MCF2L2: variants seen among roughly 807,000 people sequenced by gnomAD.
MCF2L2 encodes the protein probable guanine nucleotide exchange factor MCF2L2.
In MCF2L2, 102 loss-of-function variants were observed where a neutral mutation model predicts 150.2. The observed-to-expected ratio is 0.68, with a 90% CI of 0.58 to 0.80. The LOEUF is 0.80. MCF2L2 is among the 30% of genes least tolerant of loss of function. MCF2L2 has a pLI of 0.00. For synonymous variants in MCF2L2, 465 were observed against 491.3 expected, an observed-to-expected ratio of 0.95 and a Z score of 0.71; for missense variants, 1,256 against 1,372.8, an observed-to-expected ratio of 0.91 and a Z score of 1.34.
chr3:183,411,749 G>A (rs1458564921), intron 1 of MCF2L2, among the ~76,000 whole-genome samples: 1 of 152,038 alleles, frequency 6.6e-6, no homozygotes, highest in Non-Finnish European at 1.5e-5. Context: ...AGAGGTCCTT[G>A]CCTTAGTTGG....
chr3:183,240,438 C>T lies in MCF2L2; in HGVS notation c.1863-9421G>A, dbSNP rs534958560. Among the ~76,000 whole-genome samples the T allele has an allele frequency of 1.4e-3, 206 of 152,290 alleles. 2 individuals are homozygous for T. Among genetic ancestry groups the T allele is most frequent in the Middle Eastern group, 0.01 (3 of 294 alleles). On this transcript the variant is annotated intron_variant, in intron 15 of 29. Transcript: ENST00000328913. ...TTTACCATGTTGGCCAGGCTGGTCT[C>T]GAACTCCTGACCTCAGGTGATCTGC...
chr3:183,289,788 G>A (rs1182975131), intron 13 of MCF2L2, among the ~76,000 whole-genome samples: 10 of 152,154 alleles, frequency 6.6e-5, no homozygotes, highest in African/African-American at 1.9e-4. Flanking sequence ...CCTGGGAGGC[G>A]GAGGTTGCGG....
At position 183,408,714 on chromosome 3, in the gene MCF2L2, T is replaced by C. The variant is rs569561985; in HGVS notation, c.77-18935A>G. Reference sequence around the variant, plus strand: ...AAATGAATGTGAACTGATCTAACAATAGGTAGAAAAAAACAGACACACAAT... The same window carrying C: ...AAATGAATGTGAACTGATCTAACAACAGGTAGAAAAAAACAGACACACAAT... On this transcript the variant is annotated intron_variant, in intron 1 of 29. Coordinates refer to ENST00000328913, the MANE Select transcript of MCF2L2 (RefSeq NM_015078.4). 7.2e-5 allele frequency among the ~76,000 whole-genome samples: 11 copies of C among 152,306 alleles called. No individual in the cohort carries two copies. The East Asian group carries it at 1.7e-3, about 24-fold the overall frequency.
intron 22 of MCF2L2, among the ~76,000 whole-genome samples, chr3:183,214,890 GAGGCTGGGACAGGAGAATCGCTTGAA>G (rs1722859406): frequency 6.6e-6 from 1 of 152,102 alleles, no homozygotes; most frequent in African/African-American, 2.4e-5. Flanking sequence ...AGCTACTCAG[GAGGCTGGGACAGGAGAATCGCTTGAA>G]CCTGGCGGGC....
chr3:183,224,205 A>T lies in MCF2L2; in HGVS notation c.2116-15T>A, dbSNP rs1723262509. 1 of 1,525,910 alleles carries T rather than the reference A, an allele frequency of 6.6e-7. No homozygotes were observed. Among genetic ancestry groups the T allele is most frequent in the Non-Finnish European group, 9.1e-7 (1 of 1,100,350 alleles). The allele number at this position is 1,525,910 out of a possible 1,614,324, so 94.5% of individuals were successfully genotyped here. ...AGATCTTCTTTCTAGGTGGGAAAAA[A>T]TTAGAATAAATTAATCAGGCAGCAT... On this transcript the variant is annotated splice_polypyrimidine_tract_variant and intron_variant, in intron 18 of 29. Coordinates refer to ENST00000328913, the MANE Select transcript of MCF2L2 (RefSeq NM_015078.4).
At chr3:183,306,358 A>T (rs1456914571) in intron 10 of MCF2L2, among the ~76,000 whole-genome samples, 1 of 152,244 alleles carries the variant, frequency 6.6e-6, no homozygotes, top group Non-Finnish European at 1.5e-5. Context: ...GAGGGAAAAA[A>T]TGGCTAAAAT....
chr3:183,330,449 G>A (rs188671654), intron 5 of MCF2L2, among the ~76,000 whole-genome samples: 111 of 141,152 alleles, frequency 7.9e-4, no homozygotes, highest in Non-Finnish European at 1.4e-3. Context: ...CTGCAAAAAG[G>A]CAAAACTATA....
At chr3:183,314,498 C>A (rs1729516446) in intron 7 of MCF2L2, among the ~76,000 whole-genome samples, 1 of 152,172 alleles carries the variant, frequency 6.6e-6, no homozygotes, top group Admixed American at 6.5e-5. Context: ...CTCTCCAACT[C>A]AATGGCTCTC....
chr3:183,355,451 C>CT (rs1168575988), intron 3 of MCF2L2, among the ~76,000 whole-genome samples: 4,652 of 141,294 alleles, frequency 0.033, 109 homozygotes, highest in African/African-American at 0.07. Context: ...AATTCCTTTC[C>CT]TTTTTTTTTT....
At chr3:183,414,146 A>G (rs1303387654) in intron 1 of MCF2L2, among the ~76,000 whole-genome samples, 1 of 152,208 alleles carries the variant, frequency 6.6e-6, no homozygotes, top group Non-Finnish European at 1.5e-5. Flanking sequence ...TTTGTGAACA[A>G]TTGGTACGAA....
In MCF2L2 at chr3:183,179,649, G is replaced by C. The variant is rs1721446606; in HGVS notation, c.3149C>G (p.Ser1050Cys). The change falls in exon 29 of 30, where the codon TCC (serine) becomes TGC (cysteine). Residue 1050 changes from serine to cysteine, a missense_variant. Coordinates refer to ENST00000328913, the MANE Select transcript of MCF2L2 (RefSeq NM_015078.4). This position sits in a 1 kb window ranked among gnomAD's most constrained non-coding sequence, Gnocchi z 4.2. ...FQSDDSHETCSSKSAFLERGE... is the reference protein window; with the variant it reads ...FQSDDSHETCCSKSAFLERGE... ...CCTCTCCAGGAAAGCAGATTTGGAGGAACAGGTTTCGTGACTGTCGTCCGA... is the reference window on the plus strand; with the variant it reads ...CCTCTCCAGGAAAGCAGATTTGGAGCAACAGGTTTCGTGACTGTCGTCCGA... 1.2e-6 allele frequency: 2 copies of C among 1,614,132 alleles called. No individual in the cohort carries two copies. The highest frequency in any genetic ancestry group is 1.3e-5 in the African/African-American group (1 of 75,040).
intron 12 of MCF2L2, 70 bp from the exon 13 acceptor site, chr3:183,295,547 C>G: frequency 6.8e-7 from 1 of 1,474,072 alleles, no homozygotes; most frequent in Non-Finnish European, 9.4e-7. Context: ...GAAGCATTCC[C>G]TTTCTCCCAC....
chr3:183,341,699 G>A, intron 3 of MCF2L2, 69 bp from the exon 4 acceptor site: 1 of 1,083,926 alleles, frequency 9.2e-7, no homozygotes, highest in African/African-American at 1.5e-5. Flanking sequence ...TCCCACAGCA[G>A]AATACACCCT....
At chr3:183,332,610 T>C (rs1341270794) in intron 5 of MCF2L2, among the ~76,000 whole-genome samples, 1 of 152,124 alleles carries the variant, frequency 6.6e-6, no homozygotes, top group Admixed American at 6.5e-5. Context: ...TGACATTTGG[T>C]CAAATGCTCA....
chr3:183,269,827 T>C, intron 15 of MCF2L2: 1 of 1,610,522 alleles, frequency 6.2e-7, no homozygotes. Context: ...GGCAGAAGAG[T>C]CAAAAAATGG....
At chr3:183,351,190 G>GTGTATATATATATATATATA (rs1491563903) in intron 3 of MCF2L2, among the ~76,000 whole-genome samples, 1 of 38,844 alleles carries the variant, frequency 2.6e-5, no homozygotes, top group Non-Finnish European at 5.1e-5. Context: ...ATTTTCTTAA[G>GTGTATATATATATATATATA]TATATATATA....
At chr3:183,288,809 C>T (rs1019960002) in intron 14 of MCF2L2, among the ~76,000 whole-genome samples, 1 of 152,134 alleles carries the variant, frequency 6.6e-6, no homozygotes, top group African/African-American at 2.4e-5. Context: ...ATGAACCATA[C>T]ACTGTTCTGC....
chr3:183,289,399 G>A (rs79773099), intron 13 of MCF2L2, among the ~76,000 whole-genome samples, 179 bp from the exon 14 acceptor site: 3,190 of 152,270 alleles, frequency 0.021, 69 homozygotes, highest in East Asian at 0.052. Context: ...AGACACAGAG[G>A]AGAAATAGAA....
At chr3:183,329,337 C>T (rs1394821095) in intron 5 of MCF2L2, among the ~76,000 whole-genome samples, 1 of 152,092 alleles carries the variant, frequency 6.6e-6, no homozygotes, top group Non-Finnish European at 1.5e-5. Flanking sequence ...ACAGGCACAC[C>T]CACCATGCCC....
Sources: gnomAD v4.1 joint callset for allele counts (sites outside exome capture counted in the v4.1 genomes callset) on GRCh38, gnomAD v4.1.1 for gene constraint, Gnocchi (gnomAD v3.1) non-coding constraint, MANE v1.5 for transcripts, NCBI Gene and HGNC (gene_info 2026-07-23, HGNC 2026-07-21) for gene names.